Variants in ACOT11 observed in about 807,000 individuals in gnomAD.
ACOT11 encodes acyl-CoA thioesterase 11.
A neutral mutation model predicts 77.5 loss-of-function variants in ACOT11; 69 were observed. The observed-to-expected ratio is 0.89, with a 90% CI of 0.73 to 1.09. ACOT11 has a LOEUF of 1.09. Ranked by LOEUF, ACOT11 falls within the 50% of genes least tolerant of loss-of-function variation. The pLI is 0.00. For missense variants in ACOT11, 766 were observed against 813.7 expected (o/e 0.94, Z 0.71); for synonymous variants, 279 against 313.0 (o/e 0.89, Z 1.15).
chr1:54,600,676 G>T (rs1643950671), intron 8 of ACOT11, among the ~76,000 whole-genome samples: 1 of 152,076 alleles, frequency 6.6e-6, no homozygotes, highest in Admixed American at 6.5e-5. Flanking sequence ...GAATGAGACT[G>T]TCTCAAAAAA....
downstream of ACOT11, chr1:54,614,954 GCATGT>G (rs1212723240): frequency 9.2e-7 from 1 of 1,088,828 alleles, no homozygotes; most frequent in Non-Finnish European, 1.3e-6. Flanking sequence ...GTGTGTGTGT[GCATGT>G]GCGTGCACAG....
At chr1:54,629,286 C>T (rs1264857071) in intron 15 of ACOT11, among the ~76,000 whole-genome samples, 1 of 132,210 alleles carries the variant, frequency 7.6e-6, no homozygotes, top group African/African-American at 2.6e-5. Flanking sequence ...TGGTTTTTTT[C>T]TTTTTTGTTT....
rs760730473 is a variant in ACOT11 at position 54,608,009 on chromosome 1, C to T, written c.1570C>T (p.Arg524Cys). 1.1e-5 allele frequency: 18 copies of T among 1,613,758 alleles called. No individual in the cohort carries two copies. Among genetic ancestry groups the T allele is most frequent in the African/African-American group, 4.0e-5 (3 of 74,974 alleles). ...ACACCGAGAGACGCCAGAGTACAGA[C>T]GCGGAGAGACCCTCTGCTCAGGCTT... ...PTHRETPEYRRGETLCSGFCL... is the reference protein window; with the variant it reads ...PTHRETPEYRCGETLCSGFCL... Residue 524 changes from arginine (R) to cysteine (C), a missense_variant, in exon 15 of 16, where the codon CGC (arginine) becomes TGC (cysteine). Arg to Cys is a radical substitution (Grantham distance 180). Coordinates refer to ENST00000343744, the MANE Select transcript of ACOT11 (RefSeq NM_147161.4).
chr1:54,607,830 G>T lies in ACOT11; in HGVS notation c.1503-112G>T. 1 of 1,400,882 alleles carries T rather than the reference G, an allele frequency of 7.1e-7. No individual in the cohort carries two copies. The highest frequency in any genetic ancestry group is 9.8e-7 in the Non-Finnish European group (1 of 1,022,114). The allele number at this position is 1,400,882 out of a possible 1,614,324, so 86.8% of individuals were successfully genotyped here. A position where few individuals can be genotyped will look rare whatever the true frequency, so the allele number is the denominator to read the frequency against. On this transcript the variant is annotated intron_variant, in intron 14 of 15. Coordinates refer to ENST00000343744, the MANE Select transcript of ACOT11 (RefSeq NM_147161.4). The surrounding 1 kb of genome is among the most constrained non-coding windows in gnomAD (Gnocchi z 4.5). ...GAGTCGATGTGCCTTGCATCCCCCTGGTGAGGAATCTGTGCTAGAGGGGGC... is the reference window on the plus strand; with the variant it reads ...GAGTCGATGTGCCTTGCATCCCCCTTGTGAGGAATCTGTGCTAGAGGGGGC...
Position 54,574,160 on chromosome 1 carries a change from C to T in ACOT11, c.34-10495C>T, listed in dbSNP as rs115456470. 8.6e-3 allele frequency among the ~76,000 whole-genome samples: 1,303 copies of T among 152,316 alleles called. 17 individuals carry two copies. The highest frequency in any genetic ancestry group is 0.028 in the African/African-American group (1,176 of 41,558). ...TTTTATAAACTGAGGAAGCTGAGTC[C>T]GGAGAGGTTGAAACACTTGCTCCTG... On this transcript the variant is annotated intron_variant, in intron 1 of 15. Transcript: ENST00000343744.
chr1:54,594,769 A>G (rs1654837902), intron 6 of ACOT11, 78 bp downstream of exon 6: 1 of 1,526,112 alleles, frequency 6.6e-7, no homozygotes, highest in Non-Finnish European at 8.8e-7. Context: ...CCCACTGGGC[A>G]GAGGCAGGAA....
chr1:54,604,519 G>T, intron 12 of ACOT11, 90 bp downstream of exon 12: 1 of 1,182,704 alleles, frequency 8.5e-7, no homozygotes, highest in Non-Finnish European at 1.2e-6. Flanking sequence ...CACCACTTAT[G>T]TCAAAAAAAG....
chr1:54,571,722 A>T (rs1348495891), intron 1 of ACOT11, among the ~76,000 whole-genome samples: 2 of 152,154 alleles, frequency 1.3e-5, no homozygotes, highest in African/African-American at 2.4e-5. Context: ...GGAAAATGAA[A>T]ATGTTGTTAT....
intron 5 of ACOT11, 135 bp downstream of exon 5, chr1:54,594,174 C>A (rs995428322): frequency 1.4e-6 from 1 of 734,270 alleles, no homozygotes; most frequent in Non-Finnish European, 2.2e-6. Flanking sequence ...CCACAGCTCC[C>A]TGAGGAAGGC....
chr1:54,585,895 A>C lies in ACOT11; in HGVS notation c.302A>C (p.His101Pro). The change falls in exon 3 of 16, where the codon CAC (histidine) becomes CCC (proline). Residue 101 changes from histidine (H) to proline (P), a missense_variant. By Grantham distance (77) the His-to-Pro change is moderately conservative (BLOSUM62 -2). Transcript: ENST00000343744. Reference sequence around the variant, plus strand: ...TCCATGGATGACATCTATTTTGAGCACACCATTAGGTAAGTGGCCCCTCCT... The same window carrying C: ...TCCATGGATGACATCTATTTTGAGCCCACCATTAGGTAAGTGGCCCCTCCT... ...TASMDDIYFEHTISVGQVVNI... is the reference protein window; with the variant it reads ...TASMDDIYFEPTISVGQVVNI... The C allele has an allele frequency of 6.2e-7, 1 of 1,614,048 alleles. No homozygotes were observed. Among genetic ancestry groups the C allele is most frequent in the Non-Finnish European group, 8.5e-7 (1 of 1,179,982 alleles).
At chr1:54,585,745 C>G in intron 2 of ACOT11, 90 bp from the exon 3 acceptor site, 1 of 1,379,978 alleles carries the variant, frequency 7.2e-7, no homozygotes, top group Non-Finnish European at 1.0e-6. Flanking sequence ...GCTTGGGCGG[C>G]TGGAGAAGCC....
chr1:54,554,319 G>GTGTA (rs1557643889), intron 1 of ACOT11, among the ~76,000 whole-genome samples: 2 of 87,298 alleles, frequency 2.3e-5, no homozygotes, highest in African/African-American at 8.6e-5. Context: ...GTGTGTGTGT[G>GTGTA]TGTGTGTGTG....
chr1:54,561,314 A>G (rs1414481789), intron 1 of ACOT11, among the ~76,000 whole-genome samples: 1 of 91,814 alleles, frequency 1.1e-5, no homozygotes, highest in East Asian at 2.7e-4. Context: ...CTTAACGAGC[A>G]TGCTGCCTTC....
At chr1:54,612,020 G>C (rs1644123656), downstream of ACOT11, among the ~76,000 whole-genome samples, 1 of 151,636 alleles carries the variant, frequency 6.6e-6, no homozygotes, top group South Asian at 2.1e-4. Context: ...TCTTAGGAAA[G>C]GGGCAGGACA....
At chr1:54,610,441 C>A, downstream of ACOT11, 2 of 1,613,618 alleles carry the variant, frequency 1.2e-6, no homozygotes, top group Non-Finnish European at 1.7e-6. Context: ...TGTTTTACCG[C>A]TGCCCTGGAC....
At chr1:54,599,158 A>AT (rs1643923959) in intron 7 of ACOT11, 138 bp from the exon 8 acceptor site, 1 of 32,444 alleles carries the variant, frequency 3.1e-5, no homozygotes, top group African/African-American at 1.3e-4. Context: ...AAAAAAAAAA[A>AT]AAAAAAAAAA....
rs1480213868 is a variant in ACOT11, at chr1:54,597,380, G to A, written c.729G>A (p.Met243Ile). Residue 243 changes from methionine to isoleucine, a missense_variant, in exon 7 of 16, where the codon ATG becomes ATA. Met to Ile is a conservative substitution (Grantham distance 10). Coordinates refer to ENST00000343744, the MANE Select transcript of ACOT11 (RefSeq NM_147161.4). ...GCAACACCTTTGGGGGCCAGATCAT[G>A]GCCTGGATGGAGAATGTGGCCACCA... is the stretch of plus-strand genomic sequence containing the variant. ...HQGNTFGGQI[M>I]AWMENVATIA... The A allele has an allele frequency of 6.2e-7, 1 of 1,613,632 alleles. No homozygotes were observed. Among genetic ancestry groups the A allele is most frequent in the Non-Finnish European group, 8.5e-7 (1 of 1,179,878 alleles).
At chr1:54,569,808 A>G (rs1653873185) in intron 1 of ACOT11, among the ~76,000 whole-genome samples, 1 of 152,258 alleles carries the variant, frequency 6.6e-6, no homozygotes, top group Admixed American at 6.5e-5. Context: ...GCAGGTTGAT[A>G]GAATGAGTCT....
At chr1:54,553,028 T>C (rs1228790202) in intron 1 of ACOT11, among the ~76,000 whole-genome samples, 1 of 151,092 alleles carries the variant, frequency 6.6e-6, no homozygotes, top group Middle Eastern at 3.4e-3. Flanking sequence ...GGTTTCTCCA[T>C]GTTGGTCAGG....
Sources: gnomAD v4.1 joint callset for allele counts (sites outside exome capture counted in the v4.1 genomes callset) on GRCh38, gnomAD v4.1.1 for gene constraint, Gnocchi (gnomAD v3.1) non-coding constraint, MANE v1.5 for transcripts, NCBI Gene and HGNC (gene_info 2026-07-23, HGNC 2026-07-21) for gene names.